Variants in ACBD6 observed in about 807,000 individuals in gnomAD.
The protein encoded by ACBD6 is acyl-CoA binding domain containing 6.
Under a neutral mutation model 37.2 loss-of-function variants are expected in ACBD6, and 28 were observed. The ratio of observed to expected loss-of-function variants is 0.75; its 90% CI spans 0.56 to 1.03. ACBD6 has a LOEUF of 1.03. Ranked by LOEUF, ACBD6 falls within the 50% of genes least tolerant of loss-of-function variation. The probability of loss-of-function intolerance (pLI) is 0.00; values close to 1 mark genes in which losing one functional copy is unlikely to be tolerated. For synonymous variants in ACBD6, 113 were observed against 126.8 expected, an observed-to-expected ratio of 0.89 and a Z score of 0.73; for missense variants, 340 against 337.4, an observed-to-expected ratio of 1.01 and a Z score of -0.06.
chr1:180,288,754 T>C (rs1400996837), intron 7 of ACBD6, among the ~76,000 whole-genome samples: 1 of 152,078 alleles, frequency 6.6e-6, no homozygotes, highest in Non-Finnish European at 1.5e-5. Context: ...CGCAAACAAA[T>C]ATATATTCTA....
At chr1:180,290,673 A>T (rs1649665906) in intron 7 of ACBD6, among the ~76,000 whole-genome samples, 1 of 152,222 alleles carries the variant, frequency 6.6e-6, no homozygotes, top group Non-Finnish European at 1.5e-5. Flanking sequence ...AACACTACAA[A>T]TTGGTAGTAA....
At chr1:180,439,927 A>T (rs545518554) in intron 3 of ACBD6, among the ~76,000 whole-genome samples, 9 of 152,260 alleles carry the variant, frequency 5.9e-5, no homozygotes, top group Admixed American at 6.5e-5. Context: ...TTTAAAATTT[A>T]AAAAAAGTCT....
At chr1:180,341,568 C>T (rs1455952331) in intron 6 of ACBD6, among the ~76,000 whole-genome samples, 1 of 151,950 alleles carries the variant, frequency 6.6e-6, no homozygotes, top group East Asian at 1.9e-4. Flanking sequence ...AAACCTTAAC[C>T]ATCCCTCTAA....
chr1:180,412,027 T>C (rs1264261157), intron 5 of ACBD6, among the ~76,000 whole-genome samples: 1 of 151,930 alleles, frequency 6.6e-6, no homozygotes, highest in Admixed American at 6.6e-5. Flanking sequence ...ACTCGCTTTA[T>C]TGCGATAGTC....
At chr1:180,483,586 A>G (rs1392269071) in intron 3 of ACBD6, among the ~76,000 whole-genome samples, 2 of 152,200 alleles carry the variant, frequency 1.3e-5, no homozygotes, top group African/African-American at 4.8e-5. Context: ...ACTAGTATCA[A>G]TAATACCTTA....
At chr1:180,436,062 T>C in intron 3 of ACBD6, 1 of 613,430 alleles carries the variant, frequency 1.6e-6, no homozygotes, top group African/African-American at 1.8e-5. Context: ...ATGTTAGACC[T>C]CCAGGTTAAA....
chr1:180,305,650 G>A (rs1650325114), intron 7 of ACBD6, among the ~76,000 whole-genome samples: 1 of 152,178 alleles, frequency 6.6e-6, no homozygotes, highest in Admixed American at 6.5e-5. Flanking sequence ...TTACACTGTT[G>A]GTGGGACTGT....
chr1:180,479,336 T>A (rs1329669575), intron 3 of ACBD6, among the ~76,000 whole-genome samples: 1 of 152,194 alleles, frequency 6.6e-6, no homozygotes, highest in Non-Finnish European at 1.5e-5. Flanking sequence ...GAAATGTTAT[T>A]TGCAGCAACA....
At chr1:180,461,186 CA>C (rs769851867) in intron 3 of ACBD6, among the ~76,000 whole-genome samples, 4 of 151,862 alleles carry the variant, frequency 2.6e-5, no homozygotes, top group South Asian at 2.1e-4. Context: ...ATAAGACAAG[CA>C]GACAAAAATA....
At chr1:180,419,680 T>A (rs904318162) in intron 4 of ACBD6, among the ~76,000 whole-genome samples, 3 of 152,240 alleles carry the variant, frequency 2.0e-5, no homozygotes, top group African/African-American at 7.2e-5. Flanking sequence ...TTATTTGTGT[T>A]ATATAGTATA....
intron 7 of ACBD6, among the ~76,000 whole-genome samples, chr1:180,310,978 C>A (rs557779981): frequency 6.6e-6 from 1 of 152,288 alleles, no homozygotes; most frequent in East Asian, 1.9e-4. Context: ...ATAAGATGTG[C>A]AGAAGACATA....
chr1:180,441,713 A>T (rs901699691), intron 3 of ACBD6, among the ~76,000 whole-genome samples: 2 of 152,202 alleles, frequency 1.3e-5, no homozygotes, highest in Non-Finnish European at 2.9e-5. Flanking sequence ...TGATTTCTGC[A>T]TGCTGATCTT....
At chr1:180,478,852 G>A (rs1352328544) in intron 3 of ACBD6, among the ~76,000 whole-genome samples, 1 of 152,088 alleles carries the variant, frequency 6.6e-6, no homozygotes, top group Non-Finnish European at 1.5e-5. Flanking sequence ...ATTTGGCTGG[G>A]CACAGTGGTT....
At chr1:180,494,346 A>G (rs1011438533) in intron 2 of ACBD6, among the ~76,000 whole-genome samples, 1 of 152,266 alleles carries the variant, frequency 6.6e-6, no homozygotes, top group African/African-American at 2.4e-5. Context: ...TTCATAAATT[A>G]TAACAAAAAA....
chr1:180,293,785 G>C (rs913070912), intron 7 of ACBD6, among the ~76,000 whole-genome samples: 1 of 152,048 alleles, frequency 6.6e-6, no homozygotes, highest in African/African-American at 2.4e-5. Flanking sequence ...GCCCTAGCTA[G>C]ATGTAGTGGC....
intron 3 of ACBD6, among the ~76,000 whole-genome samples, chr1:180,448,343 G>T (rs1016521392): frequency 1.3e-5 from 2 of 151,996 alleles, no homozygotes; most frequent in African/African-American, 2.4e-5. Context: ...TTTTTTGTTG[G>T]TCATCTTTAC....
intron 3 of ACBD6, among the ~76,000 whole-genome samples, chr1:180,488,965 A>C (rs926690879): frequency 6.6e-6 from 1 of 152,184 alleles, no homozygotes; most frequent in African/African-American, 2.4e-5. Context: ...AGTAGTTTCT[A>C]ACTGTGAAGA....
intron 3 of ACBD6, among the ~76,000 whole-genome samples, chr1:180,465,563 G>T (rs1367939335): frequency 6.6e-6 from 1 of 152,092 alleles, no homozygotes; most frequent in African/African-American, 2.4e-5. Flanking sequence ...ACTGTTGGTG[G>T]GAGTGTAAAT....
rs144692724 is a variant in ACBD6 at position 180,292,138 on chromosome 1, T to G, written c.695-3621A>C. Among the ~76,000 whole-genome samples the G allele has an allele frequency of 1.6e-4, 25 of 152,292 alleles. No individual in the cohort carries two copies. The East Asian group carries it at 4.8e-3, about 29-fold the overall frequency. On this transcript the variant is annotated intron_variant, in intron 7 of 7. Coordinates refer to ENST00000367595, the MANE Select transcript of ACBD6 (RefSeq NM_032360.4). ...CCTCCAACTTTATTCTTTTTCAAAG[T>G]TGTTTTGATTATTCTAGGTCCTTTG...
Sources: allele counts gnomAD v4.1 joint callset (sites outside exome capture counted in the v4.1 genomes callset), GRCh38; gene constraint gnomAD v4.1.1; transcripts MANE v1.5; gene names NCBI Gene and HGNC (gene_info 2026-07-23, HGNC 2026-07-21).